The following RNF8 variants were observed in gnomAD, a reference collection of about 807,000 sequenced individuals.
RNF8 encodes the protein ring finger protein 8, also known as E3 ubiquitin-protein ligase RNF8.
In RNF8, 8 loss-of-function variants were observed where a neutral mutation model predicts 59.3. That is an observed-to-expected ratio of 0.13 (90% confidence interval 0.08 to 0.24). The LOEUF (loss-of-function observed/expected upper bound fraction) is 0.24, where lower values mean the gene tolerates loss of function less well. Among genes scored for constraint, RNF8 ranks in the 10% least tolerant of loss-of-function variants. The pLI is 1.00. For missense variants in RNF8, 406 were observed against 572.6 expected, an observed-to-expected ratio of 0.71 and a Z score of 2.97; for synonymous variants, 162 against 200.0, an observed-to-expected ratio of 0.81 and a Z score of 1.60.
chr6:37,377,302 C>G (rs1343759485), intron 6 of RNF8, among the ~76,000 whole-genome samples: 1 of 152,044 alleles, frequency 6.6e-6, no homozygotes, highest in African/African-American at 2.4e-5. Flanking sequence ...GTCTCGAACT[C>G]CTGACCTCAG....
intron 2 of RNF8, among the ~76,000 whole-genome samples, chr6:37,367,598 C>T (rs1769612972): frequency 6.6e-6 from 1 of 152,086 alleles, no homozygotes; most frequent in African/African-American, 2.4e-5. Flanking sequence ...GAGAGGTGGT[C>T]TCACTGTGTT....
chr6:37,371,396 C>A, intron 3 of RNF8, 116 bp from the exon 4 acceptor site: 1 of 729,058 alleles, frequency 1.4e-6, no homozygotes. Context: ...CCTGCTCCCT[C>A]ACCCCTGTTG....
chr6:37,392,508 T>C lies in RNF8; in HGVS notation c.*1750T>C. On this transcript the variant is annotated 3_prime_UTR_variant, in exon 8 of 8. Transcript: ENST00000373479. ...AGTTGCTTGTATATTCTTCCAGAGA[T>C]CTCTGTCTATACAAGCAAAAACACA... 1 of 398,624 alleles carries C rather than the reference T, an allele frequency of 2.5e-6. No individual in the cohort carries two copies. The highest frequency in any genetic ancestry group is 3.6e-5 in the East Asian group (1 of 28,064). The allele number at this position is 398,624 out of a possible 1,614,324, so 24.7% of individuals were successfully genotyped here.
Position 37,354,274 on chromosome 6 carries a change from A to G in RNF8, c.110A>G (p.Glu37Gly). 6.4e-7 allele frequency: 1 copy of G among 1,559,304 alleles called. No homozygotes were observed. Among genetic ancestry groups the G allele is most frequent in the Non-Finnish European group, 8.6e-7 (1 of 1,156,952 alleles). ...TGGCTGCTGCTGGAAGATGGGTGCG[A>G]GGTACGGGGGAAGGGGTCCTGTGGA... ...AGWLLLEDGC[E>G]VTVGRGFGVT... The change falls in exon 1 of 8, where the codon GAG becomes GGG. Residue 37 changes from glutamate (E) to glycine (G), a missense_variant and splice_region_variant. Transcript: ENST00000373479.
At chr6:37,381,069 C>A in intron 6 of RNF8, 81 bp from the exon 7 acceptor site, 1 of 1,203,986 alleles carries the variant, frequency 8.3e-7, no homozygotes, top group Non-Finnish European at 1.2e-6. Context: ...AAATTCACTC[C>A]TGTCCTAACT....
At chr6:37,356,092 C>T (rs1459589253) in intron 1 of RNF8, among the ~76,000 whole-genome samples, 1 of 152,068 alleles carries the variant, frequency 6.6e-6, no homozygotes, top group Non-Finnish European at 1.5e-5. Context: ...AATTAAAGCA[C>T]CTGAAGAAAG....
At chr6:37,359,861 T>C (rs1253300722) in intron 1 of RNF8, among the ~76,000 whole-genome samples, 1 of 152,242 alleles carries the variant, frequency 6.6e-6, no homozygotes. Context: ...AAACCAGCAG[T>C]CCCTTCACAG....
chr6:37,365,327 T>C (rs932392959), intron 2 of RNF8, among the ~76,000 whole-genome samples: 2 of 152,208 alleles, frequency 1.3e-5, no homozygotes, highest in Admixed American at 6.5e-5. Flanking sequence ...TGCCTGGGAA[T>C]GCGGGAAAGG....
chr6:37,367,758 C>T (rs1208592145), intron 2 of RNF8, among the ~76,000 whole-genome samples: 2 of 152,202 alleles, frequency 1.3e-5, no homozygotes, highest in Non-Finnish European at 2.9e-5. Flanking sequence ...AAGTGATTTA[C>T]ATGCATTATC....
In RNF8 at chr6:37,368,820, G is replaced by A. The variant is rs1769676139; in HGVS notation, c.577G>A (p.Gly193Ser). Residue 193 changes from glycine (G) to serine (S), a missense_variant, in exon 3 of 8, where the codon GGT becomes AGT. Physicochemically the swap from Gly to Ser is moderately conservative, Grantham distance 56. Coordinates refer to ENST00000373479, the MANE Select transcript of RNF8 (RefSeq NM_003958.4). The stretch of plus-strand genomic sequence containing the variant: ...TCAGCCAGTGAAATCACAGGGGAAA[G>A]GTGAAGTGGCCAGTACACCCTCTGA... ...SGQPVKSQGK[G>S]EVASTPSDNL... 6.2e-7 allele frequency: 1 copy of A among 1,614,052 alleles called. No individual in the cohort carries two copies. Among genetic ancestry groups the A allele is most frequent in the Admixed American group, 1.7e-5 (1 of 60,004 alleles).
In RNF8 at chr6:37,367,753, A is replaced by G. The variant is rs572305947; in HGVS notation, c.241-731A>G. ...TCTATGTGAGTCATTGTGCTAAGTG[A>G]TTTACATGCATTATCTTATTCATTC... On this transcript the variant is annotated intron_variant, in intron 2 of 7. Coordinates refer to ENST00000373479, the MANE Select transcript of RNF8 (RefSeq NM_003958.4). Among the ~76,000 whole-genome samples the G allele has an allele frequency of 5.9e-5, 9 of 152,278 alleles. No homozygotes were observed. In the South Asian group the frequency reaches 1.9e-3, roughly 32 times the overall value.
chr6:37,375,215 A>G (rs764417830), intron 5 of RNF8, among the ~76,000 whole-genome samples: 4 of 152,194 alleles, frequency 2.6e-5, no homozygotes, highest in South Asian at 4.1e-4. Context: ...TGTGCGGGCT[A>G]TGGCTTATTG....
chr6:37,365,498 A>G (rs1023073253), intron 2 of RNF8, among the ~76,000 whole-genome samples: 1 of 152,244 alleles, frequency 6.6e-6, no homozygotes, highest in African/African-American at 2.4e-5. Flanking sequence ...AAACCTTCCC[A>G]GGTAGTTTTA....
chr6:37,385,399 G>A (rs1751029610), intron 7 of RNF8, among the ~76,000 whole-genome samples: 1 of 151,526 alleles, frequency 6.6e-6, no homozygotes, highest in Non-Finnish European at 1.5e-5. Context: ...AGGCTGAGGG[G>A]GCGTGGATCA....
Position 37,369,134 on chromosome 6 carries a change from C to T in RNF8, c.891C>T (p.Ser297=), listed in dbSNP as rs769583175. 1 of 1,614,104 alleles carries T rather than the reference C, an allele frequency of 6.2e-7. No homozygotes were observed. Among genetic ancestry groups the T allele is most frequent in the Non-Finnish European group, 8.5e-7 (1 of 1,180,024 alleles). ...QMEQELQDLQ[S]QLCAEQAQQQ... ...AGCAGGAACTTCAGGACTTACAGTC[C>T]CAGCTGTGTGCAGAGCAGGCTCAGC... Residue 297 remains serine, a synonymous_variant, in exon 3 of 8, where the codon TCC becomes TCT. Transcript: ENST00000373479.
chr6:37,354,695 G>C (rs1243466133), intron 1 of RNF8, among the ~76,000 whole-genome samples: 2 of 151,178 alleles, frequency 1.3e-5, no homozygotes, highest in East Asian at 3.9e-4. Context: ...CGCAGGGAAC[G>C]TGAGGAGATG....
At chr6:37,372,531 A>T (rs1769853000) in intron 4 of RNF8, among the ~76,000 whole-genome samples, 1 of 152,202 alleles carries the variant, frequency 6.6e-6, no homozygotes, top group African/African-American at 2.4e-5. Context: ...ATATTCAGAC[A>T]TTGTTTTGAA....
Position 37,354,114 on chromosome 6 carries a change from C to A in RNF8, c.-51C>A. On this transcript the variant is annotated 5_prime_UTR_variant, in exon 1 of 8. Transcript: ENST00000373479. ...AGGGGATGCACAGAGGCAGCCAGAA[C>A]CTAGGTCAGGGTCTCGCTCGGTGCT... 1 of 1,482,322 alleles carries A rather than the reference C, an allele frequency of 6.7e-7. No homozygotes were observed. Among genetic ancestry groups the A allele is most frequent in the Non-Finnish European group, 9.2e-7 (1 of 1,083,938 alleles). 91.8% of individuals were successfully genotyped at this position (1,482,322 alleles called of 1,614,324 possible).
At chr6:37,380,529 G>A (rs1470101056) in intron 6 of RNF8, among the ~76,000 whole-genome samples, 1 of 151,684 alleles carries the variant, frequency 6.6e-6, no homozygotes, top group Non-Finnish European at 1.5e-5. Context: ...AAATTAGCCG[G>A]GTGTAGTGGC....
Sources: gnomAD v4.1 joint callset for allele counts (sites outside exome capture counted in the v4.1 genomes callset) on GRCh38, gnomAD v4.1.1 for gene constraint, MANE v1.5 for transcripts, NCBI Gene and HGNC (gene_info 2026-07-23, HGNC 2026-07-21) for gene names.